Variants in ADGRV1 observed in about 807,000 individuals in gnomAD.
The protein encoded by ADGRV1 is adhesion G protein-coupled receptor V1, also known as G-protein coupled receptor 98.
In ADGRV1, 359 loss-of-function variants were observed where a neutral mutation model predicts 596.2. The ratio of observed to expected loss-of-function variants is 0.60; its 90% CI spans 0.55 to 0.66. The LOEUF (loss-of-function observed/expected upper bound fraction) is 0.66, where lower values mean the gene tolerates loss of function less well. Among genes scored for constraint, ADGRV1 ranks in the 30% least tolerant of loss-of-function variants. The pLI, the probability that ADGRV1 is intolerant of heterozygous loss-of-function variation, is 0.00. For missense variants in ADGRV1, 7,274 were observed against 7,575.6 expected (o/e 0.96, Z 1.48); for synonymous variants, 2,681 against 2,679.2 (o/e 1.00, Z -0.02).
At chr5:91,054,891 C>G (rs1042367573) in intron 85 of ADGRV1, among the ~76,000 whole-genome samples, 2 of 152,062 alleles carry the variant, frequency 1.3e-5, no homozygotes, top group African/African-American at 2.4e-5. Context: ...GTGTGCTTCC[C>G]CACCTATCAA....
At chr5:90,630,551 G>A (rs1291412558) in intron 9 of ADGRV1, 2 of 152,034 alleles carry the variant, frequency 1.3e-5, no homozygotes, top group Admixed American at 1.3e-4. Context: ...AATCAATAAA[G>A]GGTACTTATT....
At chr5:90,576,236 T>G (rs1757182533) in intron 1 of ADGRV1, among the ~76,000 whole-genome samples, 1 of 152,054 alleles carries the variant, frequency 6.6e-6, no homozygotes, top group South Asian at 2.1e-4. Flanking sequence ...TTACATTAGG[T>G]GTTTCTCCTA....
chr5:90,690,002 G>A lies in ADGRV1; in HGVS notation c.6632G>A (p.Gly2211Glu), dbSNP rs774503989. 1.3e-5 allele frequency: 21 copies of A among 1,605,418 alleles called. No homozygotes were observed. In the South Asian group the frequency reaches 2.3e-4, roughly 18 times the overall value. The change falls in exon 30 of 90, where the codon GGA becomes GAA. Residue 2211 changes from glycine (G) to glutamate (E), a missense_variant. By Grantham distance (98) the Gly-to-Glu change is moderately conservative. This residue lies in a region of ADGRV1 where 3,643 missense variants were observed against 3,809.2 expected (regional missense o/e 0.96). Coordinates refer to ENST00000405460, the MANE Select transcript of ADGRV1 (RefSeq NM_032119.4). ...FLVQLMNETT[G>E]GARLGALTEA... Reference sequence around the variant, plus strand: ...GTGCAACTGATGAATGAAACAACAGGAGGAGCCAGACTAGGGGCTTTAACA... The same window carrying A: ...GTGCAACTGATGAATGAAACAACAGAAGGAGCCAGACTAGGGGCTTTAACA...
At chr5:90,958,371 A>G (rs1777692112) in intron 83 of ADGRV1, among the ~76,000 whole-genome samples, 1 of 152,108 alleles carries the variant, frequency 6.6e-6, no homozygotes, top group South Asian at 2.1e-4. Context: ...AAATATAATT[A>G]ACAAAATTTA....
intron 87 of ADGRV1, among the ~76,000 whole-genome samples, chr5:91,132,790 G>A (rs539603176): frequency 3.5e-4 from 53 of 152,300 alleles, no homozygotes; most frequent in Admixed American, 2.0e-3. Flanking sequence ...AAATATTCAT[G>A]GAATGACTGA....
chr5:91,141,371 A>C (rs780866758), intron 87 of ADGRV1, among the ~76,000 whole-genome samples: 7 of 152,358 alleles, frequency 4.6e-5, no homozygotes, highest in Admixed American at 1.3e-4. Flanking sequence ...CCATGCAAAT[A>C]TTTTAAAAAG....
At chr5:90,616,153 C>T (rs1763340232) in intron 2 of ADGRV1, among the ~76,000 whole-genome samples, 1 of 151,942 alleles carries the variant, frequency 6.6e-6, no homozygotes, top group East Asian at 1.9e-4. Context: ...GTATTTAAAA[C>T]TTAATTTATT....
At chr5:91,119,444 A>G (rs1049743869) in intron 87 of ADGRV1, among the ~76,000 whole-genome samples, 14 of 152,148 alleles carry the variant, frequency 9.2e-5, no homozygotes, top group Non-Finnish European at 1.6e-4. Flanking sequence ...CACTTTGAAA[A>G]TCGTCCCTAA....
intron 83 of ADGRV1, among the ~76,000 whole-genome samples, chr5:90,890,970 A>G (rs866862518): frequency 1.9e-4 from 29 of 152,160 alleles, no homozygotes; most frequent in African/African-American, 6.7e-4. Flanking sequence ...TGTACAAAAC[A>G]AAATGTATGA....
chr5:90,902,604 G>T (rs762871555), intron 83 of ADGRV1, among the ~76,000 whole-genome samples: 1 of 152,076 alleles, frequency 6.6e-6, no homozygotes, highest in Non-Finnish European at 1.5e-5. Context: ...CACCTAGAGG[G>T]CAATTGTTGT....
intron 4 of ADGRV1, among the ~76,000 whole-genome samples, chr5:90,619,613 T>C (rs1763789175): frequency 6.6e-6 from 1 of 152,096 alleles, no homozygotes; most frequent in Admixed American, 6.5e-5. Flanking sequence ...TAATTATTAT[T>C]ATTATACTTT....
intron 21 of ADGRV1, among the ~76,000 whole-genome samples, chr5:90,662,946 A>G (rs1175193835): frequency 1.3e-5 from 2 of 150,282 alleles, no homozygotes; most frequent in Non-Finnish European, 3.0e-5. Flanking sequence ...TGAACTCATC[A>G]TTTTTTATGG....
At chr5:90,978,245 A>G (rs1200475745) in intron 84 of ADGRV1, among the ~76,000 whole-genome samples, 2 of 152,240 alleles carry the variant, frequency 1.3e-5, no homozygotes, top group Non-Finnish European at 2.9e-5. Context: ...CAGTGAGCCG[A>G]GATCGCGCCA....
rs1421730222 is a variant in ADGRV1 at position 90,627,952 on chromosome 5, A to ACACACC, written c.1238+181_1238+182insCCACAC. On this transcript the variant is annotated intron_variant, in intron 7 of 89. Coordinates refer to ENST00000405460, the MANE Select transcript of ADGRV1 (RefSeq NM_032119.4). ...CACACACACACACACACACACACAC[A>ACACACC]CACACACACAAGAATATGTCATTTT... 1.8e-5 allele frequency: 8 copies of ACACACC among 439,052 alleles called. No individual in the cohort carries two copies. In the South Asian group the frequency reaches 2.8e-4, roughly 15 times the overall value. The allele number at this position is 439,052 out of a possible 1,614,324, so 27.2% of individuals were successfully genotyped here. A position where few individuals can be genotyped will look rare whatever the true frequency, so the allele number is the denominator to read the frequency against.
intron 87 of ADGRV1, among the ~76,000 whole-genome samples, chr5:91,106,488 T>C (rs1467408538): frequency 6.6e-6 from 1 of 152,238 alleles, no homozygotes; most frequent in East Asian, 1.9e-4. Context: ...TTTTATTTTA[T>C]ATTTCTATTT....
Position 90,725,597 on chromosome 5 carries a change from T to A in ADGRV1, c.10102T>A (p.Ser3368Thr). Residue 3368 changes from serine (S) to threonine (T), a missense_variant, in exon 48 of 90, where the codon TCA becomes ACA. By Grantham distance (58) the Ser-to-Thr change is moderately conservative. This residue lies in a region of ADGRV1 where 3,643 missense variants were observed against 3,809.2 expected (regional missense o/e 0.96). Transcript: ENST00000405460. ...LESSQVRYFT[S>T]DSQDYLIIAS... ...AAGTTCTCAAGTAAGATATTTTACT[T>A]CAGACAGCCAAGATTATTTAATCAT... 1 of 1,590,728 alleles carries A rather than the reference T, an allele frequency of 6.3e-7. No homozygotes were observed.
chr5:90,699,142 C>T (rs1747577030), intron 34 of ADGRV1, among the ~76,000 whole-genome samples: 1 of 152,184 alleles, frequency 6.6e-6, no homozygotes. Flanking sequence ...TTTCACTTTG[C>T]TGTGATATCC....
At chr5:90,673,194 A>C (rs1280656117) in intron 22 of ADGRV1, among the ~76,000 whole-genome samples, 1 of 152,118 alleles carries the variant, frequency 6.6e-6, no homozygotes, top group Non-Finnish European at 1.5e-5. Flanking sequence ...AAGGCCCATT[A>C]TGAATCTATT....
At chr5:91,108,694 A>C (rs1792107408) in intron 87 of ADGRV1, among the ~76,000 whole-genome samples, 1 of 152,026 alleles carries the variant, frequency 6.6e-6, no homozygotes, top group Non-Finnish European at 1.5e-5. Context: ...TCCTGGGCTC[A>C]AGCAATCCTG....
Sources: gnomAD v4.1 joint callset for allele counts (sites outside exome capture counted in the v4.1 genomes callset) on GRCh38, gnomAD v4.1.1 for gene constraint, gnomAD v4.1.1 regional missense constraint, MANE v1.5 for transcripts, NCBI Gene and HGNC (gene_info 2026-07-23, HGNC 2026-07-21) for gene names.